Variants in TEC observed in about 807,000 individuals in gnomAD.
TEC encodes tec protein tyrosine kinase.
TEC carries 72 observed loss-of-function variants against 93.0 expected under a neutral mutation model. The ratio of observed to expected loss-of-function variants is 0.77; its 90% CI spans 0.64 to 0.94. The LOEUF (loss-of-function observed/expected upper bound fraction) is 0.94, where lower values mean the gene tolerates loss of function less well. Ranked by LOEUF, TEC falls within the 40% of genes least tolerant of loss-of-function variation. The pLI is 0.00. For synonymous variants in TEC, 249 were observed against 247.7 expected (o/e 1.01, Z -0.05); for missense variants, 630 against 757.9 (o/e 0.83, Z 1.98).
chr4:48,205,682 CA>C (rs1046390983), intron 2 of TEC, among the ~76,000 whole-genome samples: 4 of 152,058 alleles, frequency 2.6e-5, no homozygotes, highest in African/African-American at 9.7e-5. Flanking sequence ...CTACAATCAA[CA>C]AAAGAGAAAA....
At chr4:48,226,751 AG>A (rs1723479841) in intron 2 of TEC, among the ~76,000 whole-genome samples, 1 of 152,156 alleles carries the variant, frequency 6.6e-6, no homozygotes, top group Non-Finnish European at 1.5e-5. Context: ...TGACTGCACA[AG>A]GGTTGGTGTC....
chr4:48,148,534 T>C (rs1024001917), intron 11 of TEC, among the ~76,000 whole-genome samples: 28 of 152,194 alleles, frequency 1.8e-4, no homozygotes, highest in African/African-American at 6.3e-4. Flanking sequence ...GACGGTTAAC[T>C]TGTGGGACAT....
intron 15 of TEC, among the ~76,000 whole-genome samples, chr4:48,140,942 C>G (rs904461561): frequency 2.0e-5 from 3 of 152,008 alleles, no homozygotes; most frequent in Admixed American, 1.3e-4. Context: ...GAGCAGGCAC[C>G]TGATTTTTTA....
chr4:48,176,188 T>C lies in TEC; in HGVS notation c.139-2A>G. On this transcript the variant is annotated splice_acceptor_variant, in intron 2 of 17. Transcript: ENST00000381501. LOFTEE classifies it high-confidence loss of function. ...AATAAACCCCTTTCTGTATTTCTTC[T>C]GTTAAAAGAAAAAAAGGAGAAACAT... 6.2e-7 allele frequency: 1 copy of C among 1,600,508 alleles called. No individual in the cohort carries two copies. The highest frequency in any genetic ancestry group is 8.6e-7 in the Non-Finnish European group (1 of 1,169,448).
intron 9 of TEC, among the ~76,000 whole-genome samples, chr4:48,155,071 AAT>A (rs1170748291): frequency 6.6e-6 from 1 of 152,202 alleles, no homozygotes; most frequent in African/African-American, 2.4e-5. Context: ...CAGAGGGTAA[AAT>A]GTTCTGGAGG....
chr4:48,161,738 C>T (rs909006990), intron 8 of TEC, among the ~76,000 whole-genome samples: 21 of 151,626 alleles, frequency 1.4e-4, no homozygotes, highest in African/African-American at 4.6e-4. Flanking sequence ...AGGAGATTAA[C>T]ATTTGGGTCA....
At chr4:48,142,933 C>T (rs991970048) in intron 14 of TEC, among the ~76,000 whole-genome samples, 2 of 152,178 alleles carry the variant, frequency 1.3e-5, no homozygotes, top group Non-Finnish European at 2.9e-5. Flanking sequence ...CCGCCCGCCT[C>T]GGCCTCCAAA....
chr4:48,168,551 T>C, intron 6 of TEC, 35 bp downstream of exon 6: 1 of 1,606,678 alleles, frequency 6.2e-7, no homozygotes, highest in African/African-American at 1.3e-5. Flanking sequence ...GCTTAAAATG[T>C]AAAGATTAAC....
rs547235981 is a variant in TEC, at chr4:48,268,662, T to C, written c.-46+1090A>G. Among the ~76,000 whole-genome samples, 9 of 152,340 alleles carry C rather than the reference T, an allele frequency of 5.9e-5. No individual in the cohort carries two copies. The East Asian group carries it at 1.5e-3, about 26-fold the overall frequency. On this transcript the variant is annotated intron_variant, in intron 1 of 17. Transcript: ENST00000381501. Reference sequence around the variant, plus strand: ...AAACTTTATTTGGGAGATCCGCTGGTTTGTTTCTTCCCAGCTCTTTAGCAG... The same window carrying C: ...AAACTTTATTTGGGAGATCCGCTGGCTTGTTTCTTCCCAGCTCTTTAGCAG...
chr4:48,138,118 G>A (rs1400873894), intron 17 of TEC, among the ~76,000 whole-genome samples: 1 of 152,130 alleles, frequency 6.6e-6, no homozygotes, highest in Non-Finnish European at 1.5e-5. Flanking sequence ...TCTACAGAGT[G>A]GCTACAGTCA....
At chr4:48,193,790 T>A (rs935336711) in intron 2 of TEC, among the ~76,000 whole-genome samples, 22 of 151,958 alleles carry the variant, frequency 1.4e-4, no homozygotes, top group African/African-American at 5.1e-4. Flanking sequence ...TTTTTTTTAA[T>A]GATACTTTAT....
chr4:48,151,051 C>T (rs1462779654), intron 9 of TEC, 109 bp from the exon 10 acceptor site: 5 of 731,396 alleles, frequency 6.8e-6, no homozygotes, highest in Middle Eastern at 7.9e-4. Context: ...TATTCTTTCC[C>T]AGAAAAAAAT....
chr4:48,208,501 T>TC (rs1368664066), intron 2 of TEC, among the ~76,000 whole-genome samples: 1 of 152,064 alleles, frequency 6.6e-6, no homozygotes, highest in Non-Finnish European at 1.5e-5. Flanking sequence ...TCTGGCCTCC[T>TC]CCCCTCCCAT....
Position 48,137,502 on chromosome 4 carries a change from AC to A in TEC, c.1813-4del, listed in dbSNP as rs749619028. The A allele has an allele frequency of 3.2e-5, 51 of 1,613,798 alleles. No homozygotes were observed. The Admixed American group carries it at 8.3e-4, about 26-fold the overall frequency. On this transcript the variant is annotated splice_region_variant and splice_polypyrimidine_tract_variant and intron_variant, in intron 17 of 17. Transcript: ENST00000381501. ...AAAGAAGGCCTTCCCTCTGGTTTCT[AC>A]AATTAAAAGTCAAAGAGAAGCTGTG...
intron 5 of TEC, among the ~76,000 whole-genome samples, chr4:48,169,279 T>C (rs925409560): frequency 6.6e-6 from 1 of 152,132 alleles, no homozygotes; most frequent in African/African-American, 2.4e-5. Flanking sequence ...TACATGAGAC[T>C]GAAATAAATT....
At chr4:48,210,496 T>TGGA (rs112088688) in intron 2 of TEC, among the ~76,000 whole-genome samples, 52,556 of 147,700 alleles carry the variant, frequency 0.36, 9,955 homozygotes, top group Non-Finnish European at 0.43. Context: ...ATAAAAAAAA[T>TGGA]GGAGGAGGAG....
chr4:48,171,381 C>T lies in TEC; in HGVS notation c.312G>A (p.Lys104=). ...ATTGAGTTTTACCTTCTTTTAACTT[C>T]TTCACCCACAGGTCCCTGCTTTGTG... ...PSPQSRDLWV[K]KLKEEIKNNN... Residue 104 remains lysine (K), a synonymous_variant, in exon 4 of 18, where the codon AAG becomes AAA. Coordinates refer to ENST00000381501, the MANE Select transcript of TEC (RefSeq NM_003215.3). 1 of 1,613,266 alleles carries T rather than the reference C, an allele frequency of 6.2e-7. No homozygotes were observed. The highest frequency in any genetic ancestry group is 8.5e-7 in the Non-Finnish European group (1 of 1,179,734).
At chr4:48,219,875 A>G (rs1052774924) in intron 2 of TEC, among the ~76,000 whole-genome samples, 1 of 151,850 alleles carries the variant, frequency 6.6e-6, no homozygotes, top group Admixed American at 6.6e-5. Context: ...TTGTGCCTTT[A>G]TTTATTACAA....
At chr4:48,188,591 AATACTCATACAAGCATATGTATGTATGT>A (rs1358668853) in intron 2 of TEC, among the ~76,000 whole-genome samples, 2 of 152,190 alleles carry the variant, frequency 1.3e-5, no homozygotes, top group Non-Finnish European at 2.9e-5. Context: ...GAGTATTTAG[AATACTCATACAAGCATATGTATGTATGT>A]ATGCTATACA....
Sources: allele counts gnomAD v4.1 joint callset (sites outside exome capture counted in the v4.1 genomes callset), GRCh38; gene constraint gnomAD v4.1.1; transcripts MANE v1.5; gene names NCBI Gene and HGNC (gene_info 2026-07-23, HGNC 2026-07-21).